CGN: variants seen among roughly 807,000 people sequenced by gnomAD.
CGN encodes the protein cingulin.
A neutral mutation model predicts 157.1 loss-of-function variants in CGN; 121 were observed. The observed-to-expected ratio is 0.77, with a 90% CI of 0.66 to 0.90. The LOEUF (loss-of-function observed/expected upper bound fraction) is 0.90. Ranked by LOEUF, CGN falls within the 40% of genes least tolerant of loss-of-function variation. The pLI, the probability that CGN is intolerant of heterozygous loss-of-function variation, is 0.00. For synonymous variants in CGN, 535 were observed against 607.5 expected (o/e 0.88, Z 1.76); for missense variants, 1,424 against 1,520.9 (o/e 0.94, Z 1.06).
intron 14 of CGN, among the ~76,000 whole-genome samples, chr1:151,533,772 C>A (rs937059273): frequency 6.6e-6 from 1 of 151,820 alleles, no homozygotes; most frequent in African/African-American, 2.4e-5. Context: ...CCAGCCTGGG[C>A]GACAGAGCGA....
chr1:151,533,947 A>G (rs1664898194), intron 14 of CGN, 28 bp from the exon 15 acceptor site: 2 of 1,592,550 alleles, frequency 1.3e-6, no homozygotes, highest in Non-Finnish European at 8.5e-7. Context: ...CACTACACTG[A>G]GCTGTGGCAT....
chr1:151,532,400 A>G lies in CGN; in HGVS notation c.2572-2A>G, dbSNP rs748095589. 1 of 1,552,816 alleles carries G rather than the reference A, an allele frequency of 6.4e-7. No individual in the cohort carries two copies. The highest frequency in any genetic ancestry group is 2.3e-5 in the East Asian group (1 of 42,974). ...CTGAAGACCCTTTTCTCTGTGTTTC[A>G]GTTGGAGAAGATCGGGGAGGACTCT... On this transcript the variant is annotated splice_acceptor_variant, in intron 13 of 20. Coordinates refer to ENST00000271636, the MANE Select transcript of CGN (RefSeq NM_020770.3). LOFTEE classifies it high-confidence loss of function.
chr1:151,518,388 T>C (rs1664456660), intron 1 of CGN, 118 bp from the exon 2 acceptor site: 3 of 837,850 alleles, frequency 3.6e-6, no homozygotes. Context: ...GGGCCTTCTG[T>C]TAGTCTGAGA....
chr1:151,523,949 C>T lies in CGN; in HGVS notation c.1269-277C>T, dbSNP rs185356460. Among the ~76,000 whole-genome samples the T allele has an allele frequency of 3.1e-3, 471 of 152,146 alleles. 2 individuals carry two copies. Among genetic ancestry groups the T allele is most frequent in the Non-Finnish European group, 3.6e-3 (246 of 68,016 alleles). ...CAGTGAACCCTATAGATGAAGGGCT[C>T]GCTCTCCAGAAGCTTAGTTTCTACT... On this transcript the variant is annotated intron_variant, in intron 6 of 20. Coordinates refer to ENST00000271636, the MANE Select transcript of CGN (RefSeq NM_020770.3).
intron 13 of CGN, among the ~76,000 whole-genome samples, chr1:151,531,132 C>CTCTG (rs1664826956): frequency 6.6e-6 from 1 of 151,142 alleles, no homozygotes; most frequent in Non-Finnish European, 1.5e-5. Flanking sequence ...CAGAGCAAGA[C>CTCTG]TCTGTCTTAA....
At chr1:151,525,855 TTTTTAATTTTAA>T (rs1037576765) in intron 9 of CGN, 65 bp downstream of exon 9, 37 of 1,146,360 alleles carry the variant, frequency 3.2e-5, no homozygotes, top group African/African-American at 2.4e-4. Flanking sequence ...TTTTTTTTAA[TTTTTAATTTTAA>T]TTTTAATTTT....
intron 1 of CGN, among the ~76,000 whole-genome samples, chr1:151,514,604 C>T (rs1376264999): frequency 6.6e-6 from 1 of 152,022 alleles, no homozygotes; most frequent in African/African-American, 2.4e-5. Flanking sequence ...CCTGGGGACA[C>T]AGTGGTTAGC....
At position 151,524,210 on chromosome 1, in the gene CGN, T is replaced by C. The variant is rs960029717; in HGVS notation, c.1269-16T>C. 1 of 1,605,666 alleles carries C rather than the reference T, an allele frequency of 6.2e-7. No individual in the cohort carries two copies. The highest frequency in any genetic ancestry group is 1.7e-5 in the Admixed American group (1 of 59,102). ...CTGCCTGACACATAGTGTGCAATAA[T>C]GTTATCTATTATTAGGCTCCAGAAC... is the stretch of plus-strand genomic sequence containing the variant. On this transcript the variant is annotated splice_polypyrimidine_tract_variant and intron_variant, in intron 6 of 20. Transcript: ENST00000271636. This position sits in a 1 kb window ranked among gnomAD's most constrained non-coding sequence, Gnocchi z 4.4.
chr1:151,523,596 G>A (rs754688446), intron 6 of CGN, 35 bp downstream of exon 6: 1 of 1,561,772 alleles, frequency 6.4e-7, no homozygotes, highest in African/African-American at 1.4e-5. Context: ...CGGGCTGCTT[G>A]GGGGCCTAGG....
Position 151,536,853 on chromosome 1 carries a change from C to T in CGN, c.3430C>T (p.Gln1144Ter). 6.2e-7 allele frequency: 1 copy of T among 1,614,148 alleles called. No individual in the cohort carries two copies. The highest frequency in any genetic ancestry group is 8.5e-7 in the Non-Finnish European group (1 of 1,180,028). The change falls in exon 20 of 21, where the codon CAG (glutamine) becomes TAG (stop). Residue 1144 changes from glutamine (Q) to a stop codon, truncating the protein, a stop_gained. Coordinates refer to ENST00000271636, the MANE Select transcript of CGN (RefSeq NM_020770.3). LOFTEE classifies it high-confidence loss of function. The part of the protein sequence containing the change: ...EVEEQHEVNE[Q>*]LQARIKSLEK... ...GGAGGAGCAGCATGAGGTCAATGAA[C>T]AGCTCCAGGCCCGGATCAAGTCTCT...
At position 151,532,476 on chromosome 1, in the gene CGN, G is replaced by C; in HGVS notation, c.2646G>C (p.Lys882Asn). The change falls in exon 14 of 21, where the codon AAG (lysine) becomes AAC (asparagine). Residue 882 changes from lysine (K) to asparagine (N), a missense_variant. Coordinates refer to ENST00000271636, the MANE Select transcript of CGN (RefSeq NM_020770.3). ...LQAQLEDYKE[K>N]ARREVADAQR... Reference sequence around the variant, plus strand: ...CCCAGCTGGAGGATTATAAGGAAAAGGCCCGGCGGGAGGTGGCAGATGCCC... The same window carrying C: ...CCCAGCTGGAGGATTATAAGGAAAACGCCCGGCGGGAGGTGGCAGATGCCC... 6.2e-7 allele frequency: 1 copy of C among 1,609,938 alleles called. No individual in the cohort carries two copies. Among genetic ancestry groups the C allele is most frequent in the Non-Finnish European group, 8.5e-7 (1 of 1,178,728 alleles).
At chr1:151,534,476 A>G (rs1009677844) in intron 15 of CGN, 9 of 303,978 alleles carry the variant, frequency 3.0e-5, no homozygotes, top group Middle Eastern at 1.0e-3. Flanking sequence ...AGCAGCAAAC[A>G]TATTGTGCTG....
chr1:151,529,768 G>T, intron 11 of CGN, 141 bp from the exon 12 acceptor site: 1 of 842,802 alleles, frequency 1.2e-6, no homozygotes, highest in Non-Finnish European at 1.8e-6. Context: ...CGTCTGGCTG[G>T]TGGCAGCTGC....
At chr1:151,532,612 CTTTTTTTTTTT>C (rs34388063) in intron 14 of CGN, 40 bp downstream of exon 14, 24 of 537,308 alleles carry the variant, frequency 4.5e-5, no homozygotes, top group Admixed American at 1.7e-4. Flanking sequence ...GTCCTTGCCT[CTTTTTTTTTTT>C]TTTTTTTTTT....
chr1:151,518,611 A>T lies in CGN; in HGVS notation c.92A>T (p.Glu31Val). Reference sequence around the variant, plus strand: ...ATCACAGAGCCAGTGAGTGGTGCAGAGATGGGCACTCTACGTCGAGGTGGA... The same window carrying T: ...ATCACAGAGCCAGTGAGTGGTGCAGTGATGGGCACTCTACGTCGAGGTGGA... ...RFITEPVSGA[E>V]MGTLRRGGRR... is the part of the protein sequence containing the mutation. Residue 31 changes from glutamate (E) to valine (V), a missense_variant, in exon 2 of 21, where the codon GAG (glutamate) becomes GTG (valine). Glu to Val is a moderately radical substitution (Grantham distance 121). Transcript: ENST00000271636. 1 of 1,614,172 alleles carries T rather than the reference A, an allele frequency of 6.2e-7. No homozygotes were observed. The highest frequency in any genetic ancestry group is 8.5e-7 in the Non-Finnish European group (1 of 1,180,028).
At chr1:151,520,053 C>A in intron 2 of CGN, 113 bp from the exon 3 acceptor site, 2 of 762,078 alleles carry the variant, frequency 2.6e-6, no homozygotes, top group Non-Finnish European at 4.3e-6. Flanking sequence ...CTTGAAGGGA[C>A]TTGACCTGAG....
Position 151,536,217 on chromosome 1 carries a change from A to G in CGN, c.3198-20A>G. 6.7e-7 allele frequency: 1 copy of G among 1,485,600 alleles called. No individual in the cohort carries two copies. Among genetic ancestry groups the G allele is most frequent in the Non-Finnish European group, 9.4e-7 (1 of 1,062,580 alleles). 92.0% of individuals were successfully genotyped at this position (1,485,600 alleles called of 1,614,324 possible). Reference sequence around the variant, plus strand: ...CTTAGAAATGGGGACACTCATAGACATTCTTCTACCTCACCTTAGGGAGAA... The same window carrying G: ...CTTAGAAATGGGGACACTCATAGACGTTCTTCTACCTCACCTTAGGGAGAA... On this transcript the variant is annotated intron_variant, in intron 18 of 20. Coordinates refer to ENST00000271636, the MANE Select transcript of CGN (RefSeq NM_020770.3).
At chr1:151,531,358 T>C (rs1250132035) in intron 13 of CGN, among the ~76,000 whole-genome samples, 1 of 152,202 alleles carries the variant, frequency 6.6e-6, no homozygotes, top group African/African-American at 2.4e-5. Context: ...GAATCTTCAA[T>C]GGCCAGCTTG....
intron 10 of CGN, among the ~76,000 whole-genome samples, chr1:151,528,122 A>T (rs1557990692): frequency 1.3e-5 from 2 of 149,682 alleles, no homozygotes; most frequent in African/African-American, 4.9e-5. Flanking sequence ...CGCCCGGCTA[A>T]TTTTTTTTGT....
Sources: allele counts gnomAD v4.1 joint callset (sites outside exome capture counted in the v4.1 genomes callset), GRCh38; gene constraint gnomAD v4.1.1; non-coding constraint Gnocchi (gnomAD v3.1); transcripts MANE v1.5; gene names NCBI Gene and HGNC (gene_info 2026-07-23, HGNC 2026-07-21).